Variants in ST3GAL6 observed in about 807,000 individuals in gnomAD.
The protein encoded by ST3GAL6 is ST3 beta-galactoside alpha-2,3-sialyltransferase 6.
Under a neutral mutation model 40.5 loss-of-function variants are expected in ST3GAL6, and 31 were observed. The observed-to-expected ratio is 0.77, with a 90% CI of 0.58 to 1.03. ST3GAL6 has a LOEUF of 1.03. ST3GAL6 is among the 50% of genes least tolerant of loss of function. The pLI is 0.00. For missense variants in ST3GAL6, 357 were observed against 393.2 expected (o/e 0.91, Z 0.78); for synonymous variants, 129 against 136.9 (o/e 0.94, Z 0.40).
At chr3:98,755,651 C>T (rs1937362825) in intron 1 of ST3GAL6, among the ~76,000 whole-genome samples, 1 of 152,122 alleles carries the variant, frequency 6.6e-6, no homozygotes, top group Non-Finnish European at 1.5e-5. Flanking sequence ...TAAAATACTC[C>T]ATAAACCATG....
At chr3:98,766,102 C>T (rs1334960863) in intron 1 of ST3GAL6, among the ~76,000 whole-genome samples, 2 of 152,060 alleles carry the variant, frequency 1.3e-5, no homozygotes, top group East Asian at 1.9e-4. Flanking sequence ...AGAGTGGGTT[C>T]GTTTTATTGT....
chr3:98,786,955 A>AGTGTGTGTGTGTGTGTGT (rs60592978), intron 6 of ST3GAL6, among the ~76,000 whole-genome samples: 78 of 147,476 alleles, frequency 5.3e-4, no homozygotes, highest in East Asian at 1.4e-3. Context: ...ATCTGGGATA[A>AGTGTGTGTGTGTGTGTGT]GTGTGTGTGT....
At chr3:98,748,097 A>T (rs1936702211) in intron 1 of ST3GAL6, among the ~76,000 whole-genome samples, 1 of 152,228 alleles carries the variant, frequency 6.6e-6, no homozygotes, top group African/African-American at 2.4e-5. Flanking sequence ...TGGGAATGAG[A>T]CTGAAGCTAT....
chr3:98,765,253 G>C (rs937547664), intron 1 of ST3GAL6, among the ~76,000 whole-genome samples: 2 of 152,180 alleles, frequency 1.3e-5, no homozygotes, highest in African/African-American at 4.8e-5. Flanking sequence ...ATCTCTTTTA[G>C]ATTTGCCTTG....
intron 6 of ST3GAL6, among the ~76,000 whole-genome samples, chr3:98,786,409 A>G (rs1203728322): frequency 2.6e-5 from 4 of 152,194 alleles, no homozygotes; most frequent in Non-Finnish European, 4.4e-5. Context: ...GGAGTGACCA[A>G]CTGTATCCCA....
upstream of ST3GAL6, chr3:98,763,285 G>A: frequency 7.8e-7 from 1 of 1,281,740 alleles, no homozygotes; most frequent in Non-Finnish European, 1.0e-6. Flanking sequence ...AAAGAGGAAG[G>A]AAGGCAGGAT....
chr3:98,791,309 C>T (rs1320881892), intron 8 of ST3GAL6, among the ~76,000 whole-genome samples: 3 of 152,154 alleles, frequency 2.0e-5, no homozygotes, highest in East Asian at 1.9e-4. Context: ...GATACTGTTA[C>T]AATTTATCAT....
intron 1 of ST3GAL6, among the ~76,000 whole-genome samples, chr3:98,747,687 C>G (rs1349488147): frequency 6.6e-6 from 1 of 152,076 alleles, no homozygotes; most frequent in Admixed American, 6.5e-5. Context: ...TCTTTAGGCA[C>G]CATATGGATA....
At chr3:98,782,447 CTA>C in intron 5 of ST3GAL6, 1 of 617,356 alleles carries the variant, frequency 1.6e-6, no homozygotes, top group Non-Finnish European at 2.9e-6. Context: ...AATATAAAAT[CTA>C]GTCTCTTCTG....
chr3:98,757,831 G>A (rs1212305943), intron 1 of ST3GAL6, among the ~76,000 whole-genome samples: 1 of 151,736 alleles, frequency 6.6e-6, no homozygotes, highest in Non-Finnish European at 1.5e-5. Context: ...AATTTTAACT[G>A]CTTTTTTTTC....
chr3:98,780,716 G>A (rs1201869286), intron 5 of ST3GAL6, among the ~76,000 whole-genome samples: 1 of 152,180 alleles, frequency 6.6e-6, no homozygotes, highest in Non-Finnish European at 1.5e-5. Flanking sequence ...TGGAGGTCCA[G>A]GACCTTGAGT....
intron 1 of ST3GAL6, chr3:98,733,505 A>C (rs555372170): frequency 1.0e-6 from 1 of 986,814 alleles, no homozygotes; most frequent in African/African-American, 1.7e-5. Flanking sequence ...TTACCGTATA[A>C]AGTTTTTCGA....
intron 5 of ST3GAL6, chr3:98,782,374 G>GC (rs746546657): frequency 2.9e-6 from 2 of 683,666 alleles, no homozygotes; most frequent in Non-Finnish European, 5.3e-6. Context: ...GCAATATGAT[G>GC]CCCTTGGAAG....
chr3:98,758,733 C>A (rs184535676), upstream of ST3GAL6, among the ~76,000 whole-genome samples: 6 of 152,254 alleles, frequency 3.9e-5, no homozygotes, highest in African/African-American at 1.2e-4. Context: ...AGCATCTCTA[C>A]CAGGACATTA....
chr3:98,736,482 A>T (rs559717557), intron 1 of ST3GAL6, among the ~76,000 whole-genome samples: 1 of 152,272 alleles, frequency 6.6e-6, no homozygotes, highest in South Asian at 2.1e-4. Context: ...CAGAGGTGGG[A>T]GGGTTATTCT....
chr3:98,736,784 C>A (rs1185075160), intron 1 of ST3GAL6, among the ~76,000 whole-genome samples: 1 of 151,970 alleles, frequency 6.6e-6, no homozygotes, highest in Non-Finnish European at 1.5e-5. Context: ...GGGGCAGAGT[C>A]AAAAAATGAG....
chr3:98,773,797 A>G (rs1939246581), intron 4 of ST3GAL6, 123 bp from the exon 5 acceptor site: 1 of 638,164 alleles, frequency 1.6e-6, no homozygotes, highest in South Asian at 2.4e-5. Flanking sequence ...AATTTTTCAC[A>G]GAATAAATCA....
intron 6 of ST3GAL6, among the ~76,000 whole-genome samples, chr3:98,786,012 T>C (rs767653021): frequency 6.6e-6 from 1 of 152,098 alleles, no homozygotes; most frequent in Non-Finnish European, 1.5e-5. Flanking sequence ...GGAGATTGGC[T>C]GGAGAGTGGT....
intron 5 of ST3GAL6, among the ~76,000 whole-genome samples, chr3:98,781,390 A>C (rs574530199): frequency 6.6e-6 from 1 of 152,010 alleles, no homozygotes; most frequent in East Asian, 1.9e-4. Flanking sequence ...TGATGTGTTG[A>C]TGGGTGCAGC....
Sources: gnomAD v4.1 joint callset for allele counts (sites outside exome capture counted in the v4.1 genomes callset) on GRCh38, gnomAD v4.1.1 for gene constraint, MANE v1.5 for transcripts, NCBI Gene and HGNC (gene_info 2026-07-23, HGNC 2026-07-21) for gene names.